PGGT1B: variants seen among roughly 807,000 people sequenced by gnomAD.
PGGT1B encodes the protein geranylgeranyl transferase type-1 subunit beta.
PGGT1B carries 30 observed loss-of-function variants against 46.1 expected under a neutral mutation model. The observed-to-expected ratio is 0.65, with a 90% CI of 0.49 to 0.88. The LOEUF (loss-of-function observed/expected upper bound fraction) is 0.88. Among genes scored for constraint, PGGT1B ranks in the 40% least tolerant of loss-of-function variants. PGGT1B has a pLI of 0.00. For synonymous variants in PGGT1B, 170 were observed against 160.0 expected, an observed-to-expected ratio of 1.06 and a Z score of -0.47; for missense variants, 376 against 455.9, an observed-to-expected ratio of 0.82 and a Z score of 1.60.
intron 5 of PGGT1B, among the ~76,000 whole-genome samples, chr5:115,234,050 A>G (rs570575455): frequency 1.3e-5 from 2 of 151,746 alleles, no homozygotes; most frequent in Admixed American, 6.6e-5. Context: ...AGAATAGCTG[A>G]AAAAAACCAT....
chr5:115,220,700 T>C (rs933576442), intron 7 of PGGT1B, among the ~76,000 whole-genome samples: 2 of 151,954 alleles, frequency 1.3e-5, no homozygotes, highest in East Asian at 1.9e-4. Context: ...ATATACGTGA[T>C]ACAACAGGAA....
intron 6 of PGGT1B, among the ~76,000 whole-genome samples, chr5:115,230,394 G>A (rs1373494630): frequency 6.6e-6 from 1 of 152,026 alleles, no homozygotes; most frequent in Non-Finnish European, 1.5e-5. Context: ...ATCTCCAAAT[G>A]GAAATTTCAA....
At chr5:115,252,981 C>A in intron 2 of PGGT1B, 156 bp downstream of exon 2, 1 of 623,692 alleles carries the variant, frequency 1.6e-6, no homozygotes, top group Admixed American at 3.6e-5. Flanking sequence ...TTGTTAAGTA[C>A]TGTATTTCAA....
chr5:115,253,567 T>A (rs1261298229), intron 1 of PGGT1B, among the ~76,000 whole-genome samples: 1 of 151,928 alleles, frequency 6.6e-6, no homozygotes, highest in East Asian at 1.9e-4. Flanking sequence ...AAAAAAGGAT[T>A]CTCTACAACT....
chr5:115,219,016 T>C (rs1756509116), intron 7 of PGGT1B, among the ~76,000 whole-genome samples: 1 of 151,912 alleles, frequency 6.6e-6, no homozygotes, highest in Admixed American at 6.6e-5. Flanking sequence ...AGTGTCAAGA[T>C]ATCACTACTA....
At chr5:115,236,296 A>G in intron 5 of PGGT1B, 94 bp downstream of exon 5, 2 of 897,810 alleles carry the variant, frequency 2.2e-6, no homozygotes, top group South Asian at 1.8e-5. Flanking sequence ...TTATTTACAA[A>G]TTGTTGGCGG....
At chr5:115,217,649 C>G (rs1488421344) in intron 7 of PGGT1B, among the ~76,000 whole-genome samples, 1 of 151,852 alleles carries the variant, frequency 6.6e-6, no homozygotes, top group Non-Finnish European at 1.5e-5. Context: ...TGATACAAAG[C>G]AATTTAATAT....
chr5:115,245,467 G>A (rs934484938), intron 2 of PGGT1B, among the ~76,000 whole-genome samples: 4 of 152,118 alleles, frequency 2.6e-5, no homozygotes, highest in African/African-American at 9.7e-5. Context: ...AGTTCTATAG[G>A]CAAGTAACAA....
intron 2 of PGGT1B, among the ~76,000 whole-genome samples, chr5:115,244,643 C>A (rs3111172): frequency 6.6e-6 from 1 of 151,680 alleles, no homozygotes. Flanking sequence ...CCAGGCTGGA[C>A]TGCAGGGGCA....
chr5:115,247,998 C>T (rs1299208852), intron 2 of PGGT1B, among the ~76,000 whole-genome samples: 1 of 152,116 alleles, frequency 6.6e-6, no homozygotes, highest in Non-Finnish European at 1.5e-5. Flanking sequence ...ATATGCAACA[C>T]GCTTGACTTA....
intron 7 of PGGT1B, among the ~76,000 whole-genome samples, chr5:115,221,074 A>G (rs1362817267): frequency 2.0e-5 from 3 of 151,996 alleles, no homozygotes; most frequent in Non-Finnish European, 4.4e-5. Context: ...CAGGGAGACT[A>G]CTGTCATCAT....
chr5:115,240,900 A>G (rs1188845617), intron 3 of PGGT1B, among the ~76,000 whole-genome samples: 2 of 152,182 alleles, frequency 1.3e-5, no homozygotes, highest in Non-Finnish European at 2.9e-5. Context: ...TTGTGTACAT[A>G]TGGAACACCT....
chr5:115,226,504 A>G (rs1162755899), intron 6 of PGGT1B, among the ~76,000 whole-genome samples: 1 of 152,008 alleles, frequency 6.6e-6, no homozygotes, highest in African/African-American at 2.4e-5. Context: ...AATGGGCTCC[A>G]AGCTAAGCTA....
chr5:115,239,652 GATA>G (rs1757290494), intron 3 of PGGT1B, among the ~76,000 whole-genome samples: 1 of 152,180 alleles, frequency 6.6e-6, no homozygotes, highest in Non-Finnish European at 1.5e-5. Flanking sequence ...ATAAGGGAGG[GATA>G]ATAATAACAT....
intron 6 of PGGT1B, among the ~76,000 whole-genome samples, chr5:115,224,939 C>A (rs545105970): frequency 1.3e-5 from 2 of 151,502 alleles, no homozygotes; most frequent in African/African-American, 2.4e-5. Flanking sequence ...TTACAAAATT[C>A]TATTTAAAAA....
rs996173531 is a variant in PGGT1B at position 115,206,494 on chromosome 5, T to A, written c.*5908A>T. On this transcript the variant is annotated 3_prime_UTR_variant, in exon 9 of 9. Transcript: ENST00000419445. ...CACTAACTTGAGATGCTGCCTTTACTGTATTCTAAATGCCACTGAGTCTAT... is the reference window on the plus strand; with the variant it reads ...CACTAACTTGAGATGCTGCCTTTACAGTATTCTAAATGCCACTGAGTCTAT... 3.3e-5 allele frequency: 5 copies of A among 152,076 alleles called. No homozygotes were observed. Among genetic ancestry groups the A allele is most frequent in the Non-Finnish European group, 5.9e-5 (4 of 67,900 alleles). 9.4% of individuals were successfully genotyped at this position (152,076 alleles called of 1,614,324 possible). A position where few individuals can be genotyped will look rare whatever the true frequency, so the allele number is the denominator to read the frequency against.
chr5:115,236,485 G>A lies in PGGT1B; in HGVS notation c.517C>T (p.Arg173Ter), dbSNP rs1485841029. 3 of 1,563,066 alleles carry A rather than the reference G, an allele frequency of 1.9e-6. No individual in the cohort carries two copies. Among genetic ancestry groups the A allele is most frequent in the East Asian group, 2.5e-5 (1 of 40,600 alleles). The change falls in exon 5 of 9, where the codon CGA becomes TGA. Residue 173 changes from arginine (R) to a stop codon, truncating the protein, a stop_gained. Coordinates refer to ENST00000419445, the MANE Select transcript of PGGT1B (RefSeq NM_005023.4). LOFTEE classifies it high-confidence loss of function. Reference sequence around the variant, plus strand: ...ATACAGGAAGCACAGTACACAAATCGCATGTCATTTTCACTGCCTTCAGGT... The same window carrying A: ...ATACAGGAAGCACAGTACACAAATCACATGTCATTTTCACTGCCTTCAGGT... ...AVPEGSENDM[R>*]FVYCASCICY...
At chr5:115,228,650 A>C (rs745369275) in intron 6 of PGGT1B, among the ~76,000 whole-genome samples, 2 of 152,304 alleles carry the variant, frequency 1.3e-5, no homozygotes, top group African/African-American at 2.4e-5. Context: ...CATGTACAAA[A>C]GCCTTGAGAT....
intron 1 of PGGT1B, among the ~76,000 whole-genome samples, chr5:115,256,587 C>T (rs554135215): frequency 6.0e-4 from 92 of 152,282 alleles, no homozygotes; most frequent in Middle Eastern, 6.8e-3. Context: ...ATCAGAAATG[C>T]TTGGCAGACA....
Sources: gnomAD v4.1 joint callset for allele counts (sites outside exome capture counted in the v4.1 genomes callset) on GRCh38, gnomAD v4.1.1 for gene constraint, MANE v1.5 for transcripts, NCBI Gene and HGNC (gene_info 2026-07-23, HGNC 2026-07-21) for gene names.